The following FZD5 variants were observed in gnomAD, a reference collection of about 807,000 sequenced individuals.
FZD5 encodes the protein frizzled class receptor 5.
A neutral mutation model predicts 40.8 loss-of-function variants in FZD5; 12 were observed. That is an observed-to-expected ratio of 0.29 (90% confidence interval 0.19 to 0.48). The LOEUF is 0.48. FZD5 is among the 20% of genes least tolerant of loss of function. The pLI, the probability that FZD5 is intolerant of heterozygous loss-of-function variation, is 0.99. For synonymous variants in FZD5, 380 were observed against 383.7 expected (o/e 0.99, Z 0.11); for missense variants, 622 against 832.8 (o/e 0.75, Z 3.12).
In FZD5 at chr2:207,764,090, G is replaced by C. The variant is rs1309822607; in HGVS notation, c.*2892C>G. On this transcript the variant is annotated 3_prime_UTR_variant, in exon 2 of 2. Coordinates refer to ENST00000295417, the MANE Select transcript of FZD5 (RefSeq NM_003468.4). The stretch of plus-strand genomic sequence containing the variant: ...AATCTGGTCAGCTAATTCACTGAGA[G>C]GTCCCATTAGTTCCTTTAGACAACC... 1 of 152,596 alleles carries C rather than the reference G, an allele frequency of 6.6e-6. No individual in the cohort carries two copies. The highest frequency in any genetic ancestry group is 1.5e-5 in the Non-Finnish European group (1 of 68,044). 9.5% of individuals were successfully genotyped at this position (152,596 alleles called of 1,614,324 possible). A position where few individuals can be genotyped will look rare whatever the true frequency, so the allele number is the denominator to read the frequency against.
Position 207,767,578 on chromosome 2 carries a change from C to A in FZD5, c.1162G>T (p.Gly388Cys). 6.2e-7 allele frequency: 1 copy of A among 1,611,820 alleles called. No homozygotes were observed. The highest frequency in any genetic ancestry group is 8.5e-7 in the Non-Finnish European group (1 of 1,179,824). ...TTCTGGTTGCCCACGTAGCAGATGC[C>A]GGCCACTGGGTCCCCGTCCACGGAG... ...LSSVDGDPVAGICYVGNQNLN... is the reference protein window; with the variant it reads ...LSSVDGDPVACICYVGNQNLN... Residue 388 changes from glycine to cysteine, a missense_variant, in exon 2 of 2, where the codon GGC becomes TGC. This residue lies in a region of FZD5 where 208 missense variants were observed against 348.9 expected (regional missense o/e 0.60). Coordinates refer to ENST00000295417, the MANE Select transcript of FZD5 (RefSeq NM_003468.4).
Position 207,766,321 on chromosome 2 carries a change from TC to T in FZD5, c.*660del. The stretch of plus-strand genomic sequence containing the variant: ...AGCACTACAGAAAAGAAACTGAACC[TC>T]CCTCTATAAACAAAGCTAAGGCTGA... On this transcript the variant is annotated 3_prime_UTR_variant, in exon 2 of 2. Transcript: ENST00000295417. 6.6e-6 allele frequency: 1 copy of T among 152,300 alleles called. No individual in the cohort carries two copies. Among genetic ancestry groups the T allele is most frequent in the Non-Finnish European group, 1.5e-5 (1 of 68,056 alleles). The allele number at this position is 152,300 out of a possible 1,614,324, so 9.4% of individuals were successfully genotyped here.
rs1418785884 is a variant in FZD5 at position 207,763,204 on chromosome 2, T to C, written c.*3778A>G. On this transcript the variant is annotated 3_prime_UTR_variant, in exon 2 of 2. Transcript: ENST00000295417. Reference sequence around the variant, plus strand: ...ATATATAATATATATTATGTATATATACAACCCACAAAACATACATACTAT... The same window carrying C: ...ATATATAATATATATTATGTATATACACAACCCACAAAACATACATACTAT... 1 of 152,272 alleles carries C rather than the reference T, an allele frequency of 6.6e-6. No homozygotes were observed. Among genetic ancestry groups the C allele is most frequent in the African/African-American group, 2.4e-5 (1 of 41,346 alleles). The allele number at this position is 152,272 out of a possible 1,614,324, so 9.4% of individuals were successfully genotyped here. A position where few individuals can be genotyped will look rare whatever the true frequency, so the allele number is the denominator to read the frequency against.
chr2:207,767,004 T>C lies in FZD5; in HGVS notation c.1736A>G (p.Gln579Arg). The C allele has an allele frequency of 1.3e-6, 2 of 1,481,742 alleles. No homozygotes were observed. The highest frequency in any genetic ancestry group is 8.9e-7 in the Non-Finnish European group (1 of 1,124,662). The allele number at this position is 1,481,742 out of a possible 1,614,324, so 91.8% of individuals were successfully genotyped here. ...PPGPAATYHKQVSLSHV is the reference protein window; with the variant it reads ...PPGPAATYHKRVSLSHV The stretch of plus-strand genomic sequence containing the variant: ...CTCCTACACGTGCGACAGGGACACC[T>C]GCTTGTGGTAGGTGGCGGCGGGGCC... Residue 579 changes from glutamine to arginine, a missense_variant, in exon 2 of 2, where the codon CAG becomes CGG. By Grantham distance (43) the Gln-to-Arg change is conservative. This residue lies in a region of FZD5 where 154 missense variants were observed against 152.1 expected (regional missense o/e 1.01). Transcript: ENST00000295417.
Position 207,768,182 on chromosome 2 carries a change from GC to G in FZD5, c.557del (p.Gly186AlafsTer15). 1 of 1,601,584 alleles carries G rather than the reference GC, an allele frequency of 6.2e-7. No homozygotes were observed. ...GCTCGCGACACTTGCACACGAACGG[GC>G]CCCCAGCGGGGCATTCGCCCCCCGA... The part of the protein sequence containing the change: ...PASGGECPAG[G>X]PFVCKCREPF... On this transcript the variant is annotated frameshift_variant, in exon 2 of 2. Transcript: ENST00000295417. LOFTEE classifies it high-confidence loss of function.
Position 207,766,875 on chromosome 2 carries a change from G to T in FZD5, c.*107C>A. On this transcript the variant is annotated 3_prime_UTR_variant, in exon 2 of 2. Transcript: ENST00000295417. ...TCCCTCTCTCCAAGTCGCCGCGGGA[G>T]GGGGCAACAGCACCATGAAGGTAAA... is the stretch of plus-strand genomic sequence containing the variant. 1.1e-6 allele frequency: 1 copy of T among 900,314 alleles called. No homozygotes were observed. Among genetic ancestry groups the T allele is most frequent in the Non-Finnish European group, 1.6e-6 (1 of 639,028 alleles). 55.8% of individuals were successfully genotyped at this position (900,314 alleles called of 1,614,324 possible).
chr2:207,767,035 G>A lies in FZD5; in HGVS notation c.1705C>T (p.Pro569Ser). 4 of 1,489,404 alleles carry A rather than the reference G, an allele frequency of 2.7e-6. No individual in the cohort carries two copies. The highest frequency in any genetic ancestry group is 2.6e-5 in the Admixed American group (1 of 38,910). The allele number at this position is 1,489,404 out of a possible 1,614,324, so 92.3% of individuals were successfully genotyped here. A position where few individuals can be genotyped will look rare whatever the true frequency, so the allele number is the denominator to read the frequency against. ...TGGTAGGTGGCGGCGGGGCCCGGCG[G>A]CCCGGTCCTGCCTGTGAGCGCGGCG... Reference protein sequence around the residue: ...ASAALTGRTGPPGPAATYHKQ... With the variant: ...ASAALTGRTGSPGPAATYHKQ... The change falls in exon 2 of 2, where the codon CCG becomes TCG. Residue 569 changes from proline to serine, a missense_variant. By Grantham distance (74) the Pro-to-Ser change is moderately conservative. This residue lies in a region of FZD5 where 154 missense variants were observed against 152.1 expected (regional missense o/e 1.01). Coordinates refer to ENST00000295417, the MANE Select transcript of FZD5 (RefSeq NM_003468.4).
chr2:207,763,493 G>A lies in FZD5; in HGVS notation c.*3489C>T, dbSNP rs1472472949. On this transcript the variant is annotated 3_prime_UTR_variant, in exon 2 of 2. Coordinates refer to ENST00000295417, the MANE Select transcript of FZD5 (RefSeq NM_003468.4). Reference sequence around the variant, plus strand: ...TTGGAAACAAGAAAGAGCATGCAGAGGGAGCAGGCAATTCTTAGCCACTGT... The same window carrying A: ...TTGGAAACAAGAAAGAGCATGCAGAAGGAGCAGGCAATTCTTAGCCACTGT... The A allele has an allele frequency of 1.3e-5, 2 of 152,626 alleles. No homozygotes were observed. The highest frequency in any genetic ancestry group is 2.9e-5 in the Non-Finnish European group (2 of 68,034). 9.5% of individuals were successfully genotyped at this position (152,626 alleles called of 1,614,324 possible).
Position 207,766,912 on chromosome 2 carries a change from T to G in FZD5, c.*70A>C. On this transcript the variant is annotated 3_prime_UTR_variant, in exon 2 of 2. Transcript: ENST00000295417. Reference sequence around the variant, plus strand: ...ACCATGAAGGTAAACGGAAGTGACCTTGGCAAAACTACCAAACAAAACGCC... The same window carrying G: ...ACCATGAAGGTAAACGGAAGTGACCGTGGCAAAACTACCAAACAAAACGCC... 7.9e-7 allele frequency: 1 copy of G among 1,265,592 alleles called. No homozygotes were observed. The highest frequency in any genetic ancestry group is 1.0e-6 in the Non-Finnish European group (1 of 953,670). 78.4% of individuals were successfully genotyped at this position (1,265,592 alleles called of 1,614,324 possible). A position where few individuals can be genotyped will look rare whatever the true frequency, so the allele number is the denominator to read the frequency against.
At position 207,765,114 on chromosome 2, in the gene FZD5, C is replaced by A. The variant is rs2091973145; in HGVS notation, c.*1868G>T. On this transcript the variant is annotated 3_prime_UTR_variant, in exon 2 of 2. Coordinates refer to ENST00000295417, the MANE Select transcript of FZD5 (RefSeq NM_003468.4). ...ACTTTAATACTAGGTTTCTTCCCAC[C>A]AGTAAAGTGTTTAAATTCCCCCTGG... The A allele has an allele frequency of 6.6e-6, 1 of 152,156 alleles. No homozygotes were observed. The highest frequency in any genetic ancestry group is 2.4e-5 in the African/African-American group (1 of 41,426). 9.4% of individuals were successfully genotyped at this position (152,156 alleles called of 1,614,324 possible).
chr2:207,766,100 GA>G lies in FZD5; in HGVS notation c.*881del, dbSNP rs2091978516. Reference sequence around the variant, plus strand: ...AAAAAAAAAAAAAAAAAAAAAAGGGGATCACTGAAGCTTAAGAACCACCCAC... The same window carrying G: ...AAAAAAAAAAAAAAAAAAAAAAGGGGTCACTGAAGCTTAAGAACCACCCAC... On this transcript the variant is annotated 3_prime_UTR_variant, in exon 2 of 2. Transcript: ENST00000295417. 8.9e-6 allele frequency: 1 copy of G among 112,640 alleles called. No homozygotes were observed. Among genetic ancestry groups the G allele is most frequent in the Non-Finnish European group, 1.8e-5 (1 of 56,730 alleles). 7.0% of individuals were successfully genotyped at this position (112,640 alleles called of 1,614,324 possible). A position where few individuals can be genotyped will look rare whatever the true frequency, so the allele number is the denominator to read the frequency against.
rs763727357 is a variant in FZD5, at chr2:207,767,801, T to C, written c.939A>G (p.Ala313=). Residue 313 remains alanine (A), a synonymous_variant, in exon 2 of 2, where the codon GCA becomes GCG. Coordinates refer to ENST00000295417, the MANE Select transcript of FZD5 (RefSeq NM_003468.4). ...NHIHYETTGP[A]LCTIVFLLVY... is the part of the protein sequence containing the mutation. ...CCAGGAGGAAGACGATGGTGCACAG[T>C]GCAGGGCCCGTGGTCTCGTAGTGGA... 9 of 1,612,508 alleles carry C rather than the reference T, an allele frequency of 5.6e-6. No individual in the cohort carries two copies. The highest frequency in any genetic ancestry group is 7.6e-6 in the Non-Finnish European group (9 of 1,179,318).
chr2:207,764,313 G>C lies in FZD5; in HGVS notation c.*2669C>G, dbSNP rs951699812. 3 of 152,244 alleles carry C rather than the reference G, an allele frequency of 2.0e-5. No homozygotes were observed. The highest frequency in any genetic ancestry group is 7.2e-5 in the African/African-American group (3 of 41,452). 9.4% of individuals were successfully genotyped at this position (152,244 alleles called of 1,614,324 possible). A position where few individuals can be genotyped will look rare whatever the true frequency, so the allele number is the denominator to read the frequency against. On this transcript the variant is annotated 3_prime_UTR_variant, in exon 2 of 2. Transcript: ENST00000295417. Reference sequence around the variant, plus strand: ...ATTTTACAGTTGCTTTCATGAGCATGACTTGTTTCCATAATCACATGCAAA... The same window carrying C: ...ATTTTACAGTTGCTTTCATGAGCATCACTTGTTTCCATAATCACATGCAAA...
rs1211894068 is a variant in FZD5 at position 207,769,598 on chromosome 2, G to A, written c.-589C>T. On this transcript the variant is annotated 5_prime_UTR_variant, in exon 1 of 2. Transcript: ENST00000295417. Reference sequence around the variant, plus strand: ...GGGCGAGCGCGCCTGGCAGCACCTGGGCGGGAGGAAGGCGGGAGGCGGGGG... The same window carrying A: ...GGGCGAGCGCGCCTGGCAGCACCTGAGCGGGAGGAAGGCGGGAGGCGGGGG... The A allele has an allele frequency of 2.0e-5, 3 of 152,778 alleles. No individual in the cohort carries two copies. The highest frequency in any genetic ancestry group is 4.4e-5 in the Non-Finnish European group (3 of 68,448). The allele number at this position is 152,778 out of a possible 1,614,324, so 9.5% of individuals were successfully genotyped here.
chr2:207,769,252 G>T lies in FZD5; in HGVS notation c.-256+13C>A, dbSNP rs1325507098. 1 of 155,044 alleles carries T rather than the reference G, an allele frequency of 6.4e-6. No homozygotes were observed. The highest frequency in any genetic ancestry group is 1.9e-4 in the East Asian group (1 of 5,236). The allele number at this position is 155,044 out of a possible 1,614,324, so 9.6% of individuals were successfully genotyped here. A position where few individuals can be genotyped will look rare whatever the true frequency, so the allele number is the denominator to read the frequency against. On this transcript the variant is annotated intron_variant, in intron 1 of 1. Transcript: ENST00000295417. ...AAACGGGAGAAGAACAGGGAGAAAG[G>T]GAAGGTTCTCACCTCCACGGATCCC...
rs1254271155 is a variant in FZD5, at chr2:207,769,437, G to GT, written c.-429dup. 2 of 152,778 alleles carry GT rather than the reference G, an allele frequency of 1.3e-5. No homozygotes were observed. Among genetic ancestry groups the GT allele is most frequent in the Non-Finnish European group, 2.9e-5 (2 of 68,462 alleles). 9.5% of individuals were successfully genotyped at this position (152,778 alleles called of 1,614,324 possible). A position where few individuals can be genotyped will look rare whatever the true frequency, so the allele number is the denominator to read the frequency against. On this transcript the variant is annotated 5_prime_UTR_variant, in exon 1 of 2. It removes the in-frame stop codon of an upstream open reading frame in the 5' UTR. Coordinates refer to ENST00000295417, the MANE Select transcript of FZD5 (RefSeq NM_003468.4). ...TGGCAGCAGGTGGGGGCGACTCAGA[G>GT]TGGGGGGCGCCCCCAGAACAGGGGC...
chr2:207,768,524 C>G lies in FZD5; in HGVS notation c.216G>C (p.Pro72=). The G allele has an allele frequency of 6.2e-7, 1 of 1,613,950 alleles. No individual in the cohort carries two copies. The highest frequency in any genetic ancestry group is 8.5e-7 in the Non-Finnish European group (1 of 1,179,878). ...EAGLEVHQFW[P]LVEIQCSPDL... The stretch of plus-strand genomic sequence containing the variant: ...CCGGCGAGCATTGGATCTCCACCAG[C>G]GGCCAGAACTGGTGCACCTCCAGGC... The change falls in exon 2 of 2, where the codon CCG becomes CCC. Residue 72 remains proline, a synonymous_variant. Coordinates refer to ENST00000295417, the MANE Select transcript of FZD5 (RefSeq NM_003468.4).
chr2:207,765,996 C>CA lies in FZD5; in HGVS notation c.*985_*986insT, dbSNP rs1227171860. 4.0e-5 allele frequency: 6 copies of CA among 151,046 alleles called. No individual in the cohort carries two copies. The highest frequency in any genetic ancestry group is 1.5e-4 in the African/African-American group (6 of 40,904). 9.4% of individuals were successfully genotyped at this position (151,046 alleles called of 1,614,324 possible). Reference sequence around the variant, plus strand: ...GTCCTTACATTTAAAAAGGAGCCCCCTTTAGCAACTGTCGCTAAGTATTGT... The same window carrying CA: ...GTCCTTACATTTAAAAAGGAGCCCCCATTTAGCAACTGTCGCTAAGTATTGT... On this transcript the variant is annotated 3_prime_UTR_variant, in exon 2 of 2. Transcript: ENST00000295417.
In FZD5 at chr2:207,769,849, C is replaced by T. The variant is rs1319183996; in HGVS notation, c.-840G>A. On this transcript the variant is annotated 5_prime_UTR_variant, in exon 1 of 2. The change creates a new upstream start codon in the 5' untranslated region. Coordinates refer to ENST00000295417, the MANE Select transcript of FZD5 (RefSeq NM_003468.4). ...CCCTTTCGCCCACCTCTGGCGAGCA[C>T]GGAACCGCGCGCGGCGGCGACCACA... 6.6e-6 allele frequency among the ~76,000 whole-genome samples: 1 copy of T among 152,150 alleles called. No individual in the cohort carries two copies. The highest frequency in any genetic ancestry group is 6.5e-5 in the Admixed American group (1 of 15,286).
Sources: allele counts gnomAD v4.1 joint callset (sites outside exome capture counted in the v4.1 genomes callset), GRCh38; gene constraint gnomAD v4.1.1; regional missense constraint gnomAD v4.1.1; transcripts MANE v1.5; gene names NCBI Gene and HGNC (gene_info 2026-07-23, HGNC 2026-07-21).